The following SPOCK1 variants were observed in gnomAD, a reference collection of about 807,000 sequenced individuals.
SPOCK1 encodes SPARC (osteonectin), cwcv and kazal like domains proteoglycan 1, also known as testican-1.
Under a neutral mutation model 55.3 loss-of-function variants are expected in SPOCK1, and 23 were observed. The observed-to-expected ratio is 0.42, with a 90% CI of 0.30 to 0.59. The LOEUF (loss-of-function observed/expected upper bound fraction) is 0.59, where lower values mean the gene tolerates loss of function less well. Ranked by LOEUF, SPOCK1 falls within the 20% of genes least tolerant of loss-of-function variation. The pLI is 0.22. For missense variants in SPOCK1, 499 were observed against 552.5 expected, an observed-to-expected ratio of 0.90 and a Z score of 0.97; for synonymous variants, 226 against 221.0, an observed-to-expected ratio of 1.02 and a Z score of -0.20.
chr5:137,405,432 G>C (rs1397764791), intron 2 of SPOCK1, among the ~76,000 whole-genome samples: 3 of 152,172 alleles, frequency 2.0e-5, no homozygotes, highest in Non-Finnish European at 4.4e-5. Flanking sequence ...AAAGCTGGCT[G>C]CCCGTTTCTC....
intron 3 of SPOCK1, among the ~76,000 whole-genome samples, chr5:137,263,896 G>C (rs1756798521): frequency 6.6e-6 from 1 of 152,142 alleles, no homozygotes; most frequent in African/African-American, 2.4e-5. Flanking sequence ...AGAGCACCAG[G>C]TGAGATACTT....
intron 2 of SPOCK1, among the ~76,000 whole-genome samples, chr5:137,450,444 T>A (rs528748514): frequency 6.6e-6 from 1 of 152,194 alleles, no homozygotes; most frequent in African/African-American, 2.4e-5. Flanking sequence ...GGCAGGTGCA[T>A]CTCCCCAGGA....
At chr5:137,124,842 G>A (rs897675911) in intron 4 of SPOCK1, among the ~76,000 whole-genome samples, 1 of 152,196 alleles carries the variant, frequency 6.6e-6, no homozygotes, top group African/African-American at 2.4e-5. Context: ...AAGAGAGGAA[G>A]ACAAAGAGAG....
intron 6 of SPOCK1, among the ~76,000 whole-genome samples, chr5:137,043,789 TAAG>T (rs1259618040): frequency 6.6e-6 from 1 of 152,172 alleles, no homozygotes; most frequent in African/African-American, 2.4e-5. Context: ...TAGCAAAGCC[TAAG>T]AAGACCTGAT....
chr5:137,484,123 T>G (rs1168461999), intron 2 of SPOCK1, among the ~76,000 whole-genome samples: 1 of 152,152 alleles, frequency 6.6e-6, no homozygotes, highest in Non-Finnish European at 1.5e-5. Flanking sequence ...CCTCTCAACC[T>G]CCTCCACCAC....
At chr5:137,278,916 C>T (rs1174137225) in intron 2 of SPOCK1, among the ~76,000 whole-genome samples, 1 of 152,120 alleles carries the variant, frequency 6.6e-6, no homozygotes, top group African/African-American at 2.4e-5. Flanking sequence ...TATTGAGGAC[C>T]AATGTACTAG....
intron 3 of SPOCK1, among the ~76,000 whole-genome samples, chr5:137,197,389 C>G (rs114998430): frequency 2.0e-5 from 3 of 152,138 alleles, no homozygotes; most frequent in Admixed American, 1.3e-4. Context: ...AATTCCAGCT[C>G]TGCAGTGCAC....
chr5:137,343,440 T>C (rs1200131905), intron 2 of SPOCK1, among the ~76,000 whole-genome samples: 2 of 152,138 alleles, frequency 1.3e-5, no homozygotes, highest in African/African-American at 4.8e-5. Flanking sequence ...AACACTCCCA[T>C]TCAACAGTGG....
chr5:137,131,992 ATATATATAT>A (rs1561621150), intron 4 of SPOCK1, among the ~76,000 whole-genome samples: 7,353 of 32,876 alleles, frequency 0.22, 1,231 homozygotes, highest in Non-Finnish European at 0.3. Flanking sequence ...AAAAAAAAAT[ATATATATAT>A]ATATATATAT....
At chr5:137,344,972 TAGGC>T in intron 2 of SPOCK1, among the ~76,000 whole-genome samples, 1 of 152,230 alleles carries the variant, frequency 6.6e-6, no homozygotes, top group Non-Finnish European at 1.5e-5. Flanking sequence ...AGAAGGTTCT[TAGGC>T]AGAGTCTCAA....
intron 5 of SPOCK1, among the ~76,000 whole-genome samples, chr5:137,105,803 C>T (rs1255926724): frequency 6.6e-6 from 1 of 152,240 alleles, no homozygotes; most frequent in East Asian, 1.9e-4. Flanking sequence ...CGTCTCTCTT[C>T]TGTGTCGAGA....
intron 2 of SPOCK1, among the ~76,000 whole-genome samples, chr5:137,352,158 A>G (rs945010723): frequency 2.6e-5 from 4 of 152,328 alleles, no homozygotes; most frequent in African/African-American, 9.6e-5. Flanking sequence ...GCTTGAGAAA[A>G]TTGTAGAGAA....
intron 3 of SPOCK1, among the ~76,000 whole-genome samples, chr5:137,244,017 A>G (rs1417299123): frequency 6.6e-6 from 1 of 152,230 alleles, no homozygotes; most frequent in African/African-American, 2.4e-5. Context: ...CAGTGGTGGC[A>G]GTCTCAGTAA....
intron 3 of SPOCK1, among the ~76,000 whole-genome samples, chr5:137,174,279 A>C (rs1241017168): frequency 6.6e-6 from 1 of 152,184 alleles, no homozygotes; most frequent in African/African-American, 2.4e-5. Context: ...TAACAATTGC[A>C]CATCTAGCTG....
At chr5:137,295,278 C>T (rs7737043) in intron 2 of SPOCK1, among the ~76,000 whole-genome samples, 2 of 152,096 alleles carry the variant, frequency 1.3e-5, no homozygotes, top group Non-Finnish European at 2.9e-5. Context: ...AATCGACATG[C>T]CTTTCACATA....
intron 3 of SPOCK1, among the ~76,000 whole-genome samples, chr5:137,232,538 A>G (rs927952991): frequency 5.9e-5 from 9 of 152,168 alleles, no homozygotes; most frequent in African/African-American, 2.2e-4. Flanking sequence ...TCACGGATCC[A>G]TGTGTCTATC....
At chr5:137,364,358 A>T (rs1649279398) in intron 2 of SPOCK1, among the ~76,000 whole-genome samples, 1 of 152,222 alleles carries the variant, frequency 6.6e-6, no homozygotes. Context: ...ATGGGGCTTA[A>T]CACTCAAATT....
At chr5:137,021,442 G>A (rs542246528) in intron 6 of SPOCK1, among the ~76,000 whole-genome samples, 15 of 152,242 alleles carry the variant, frequency 9.9e-5, no homozygotes, top group African/African-American at 3.6e-4. Context: ...GGGGTTAGGA[G>A]GTGACACAAG....
intron 2 of SPOCK1, among the ~76,000 whole-genome samples, chr5:137,308,915 A>G (rs1172838766): frequency 2.0e-5 from 3 of 152,174 alleles, no homozygotes; most frequent in African/African-American, 7.2e-5. Flanking sequence ...ATACCCAGAG[A>G]GCAGACGTTG....
Sources: allele counts gnomAD v4.1 joint callset (sites outside exome capture counted in the v4.1 genomes callset), GRCh38; gene constraint gnomAD v4.1.1; transcripts MANE v1.5; gene names NCBI Gene and HGNC (gene_info 2026-07-23, HGNC 2026-07-21).